Variants in B3GALT1 observed in about 807,000 individuals in gnomAD.
B3GALT1 encodes beta-1,3-galactosyltransferase 1, also known as UDP-Gal:betaGlcNAc beta 1,3-galactosyltransferase, polypeptide 1.
B3GALT1 carries 10 observed loss-of-function variants against 23.2 expected under a neutral mutation model. The observed-to-expected ratio is 0.43, with a 90% CI of 0.27 to 0.73. The LOEUF is 0.73. Among genes scored for constraint, B3GALT1 ranks in the 30% least tolerant of loss-of-function variants. B3GALT1 has a pLI of 0.21. For missense variants in B3GALT1, 299 were observed against 405.4 expected (o/e 0.74, Z 2.25); for synonymous variants, 156 against 141.5 (o/e 1.10, Z -0.73).
chr2:167,421,326 A>G (rs1472024034), intron 1 of B3GALT1, among the ~76,000 whole-genome samples: 7 of 152,196 alleles, frequency 4.6e-5, no homozygotes, highest in Admixed American at 4.6e-4. Flanking sequence ...ATTATCACAA[A>G]AAGTTGTATT....
intron 1 of B3GALT1, among the ~76,000 whole-genome samples, chr2:167,318,392 T>C (rs1272400336): frequency 6.6e-6 from 1 of 152,094 alleles, no homozygotes; most frequent in Non-Finnish European, 1.5e-5. Context: ...AAATGTTTAC[T>C]GAAGTTCCAT....
chr2:167,316,382 A>G (rs951046671), intron 1 of B3GALT1, among the ~76,000 whole-genome samples: 1 of 152,126 alleles, frequency 6.6e-6, no homozygotes, highest in Non-Finnish European at 1.5e-5. Flanking sequence ...TGTAAATATC[A>G]GTCTTGCTAA....
intron 3 of B3GALT1, among the ~76,000 whole-genome samples, chr2:167,667,889 T>C (rs902531032): frequency 6.6e-6 from 1 of 152,220 alleles, no homozygotes; most frequent in African/African-American, 2.4e-5. Flanking sequence ...TGCCTTTGGT[T>C]TGAATTTCCT....
At chr2:167,470,346 T>A (rs1430345227) in intron 1 of B3GALT1, among the ~76,000 whole-genome samples, 5 of 152,146 alleles carry the variant, frequency 3.3e-5, no homozygotes, top group African/African-American at 9.7e-5. Flanking sequence ...TAAGTAGAAA[T>A]AGTAGTTTTT....
intron 3 of B3GALT1, among the ~76,000 whole-genome samples, chr2:167,698,626 T>TA (rs1303468436): frequency 6.6e-6 from 1 of 152,204 alleles, no homozygotes; most frequent in African/African-American, 2.4e-5. Context: ...GAGATAGACT[T>TA]ACTGGCTTTT....
chr2:167,644,672 C>T lies in B3GALT1; in HGVS notation c.-409-2237C>T, dbSNP rs369035319. Among the ~76,000 whole-genome samples the T allele has an allele frequency of 7.1e-4, 106 of 149,254 alleles. 1 individual carries two copies. Among genetic ancestry groups the T allele is most frequent in the African/African-American group, 2.4e-3 (98 of 40,328 alleles). ...GTGGGGGCCTGTAGTCCCAGCTACT[C>T]GGGAGGCTGAGGCAGGAGAATGGCT... On this transcript the variant is annotated intron_variant, in intron 2 of 4. Coordinates refer to ENST00000392690, the MANE Select transcript of B3GALT1 (RefSeq NM_020981.4).
At chr2:167,492,251 T>C (rs534186651) in intron 2 of B3GALT1, among the ~76,000 whole-genome samples, 1 of 152,346 alleles carries the variant, frequency 6.6e-6, no homozygotes, top group South Asian at 2.1e-4. Context: ...CTTTTCAGTT[T>C]GGCTTCTTTT....
chr2:167,741,811 G>C (rs914900814), intron 3 of B3GALT1, among the ~76,000 whole-genome samples: 1 of 152,144 alleles, frequency 6.6e-6, no homozygotes, highest in Non-Finnish European at 1.5e-5. Context: ...CAATAATGGA[G>C]TTGAGCTATC....
intron 2 of B3GALT1, among the ~76,000 whole-genome samples, chr2:167,579,676 T>C (rs1411760463): frequency 6.6e-6 from 1 of 152,070 alleles, no homozygotes; most frequent in Non-Finnish European, 1.5e-5. Context: ...TTTAACTTAA[T>C]TGGAAGCCAT....
intron 2 of B3GALT1, among the ~76,000 whole-genome samples, chr2:167,555,445 T>C (rs1325575410): frequency 6.6e-6 from 1 of 152,186 alleles, no homozygotes; most frequent in Non-Finnish European, 1.5e-5. Flanking sequence ...AAATTCAATC[T>C]TTTATGGGTA....
At chr2:167,302,167 C>T (rs1011102654) in intron 1 of B3GALT1, among the ~76,000 whole-genome samples, 6 of 151,872 alleles carry the variant, frequency 4.0e-5, no homozygotes, top group African/African-American at 1.5e-4. Flanking sequence ...GTGAAAAAAG[C>T]AGAATACAAA....
chr2:167,607,210 A>G (rs1426558657), intron 2 of B3GALT1, among the ~76,000 whole-genome samples: 1 of 152,234 alleles, frequency 6.6e-6, no homozygotes, highest in Non-Finnish European at 1.5e-5. Context: ...TAAAAAGAAG[A>G]GAAAGCCAGG....
intron 2 of B3GALT1, among the ~76,000 whole-genome samples, chr2:167,559,649 G>A (rs1382001286): frequency 6.6e-6 from 1 of 152,206 alleles, no homozygotes; most frequent in Admixed American, 6.5e-5. Flanking sequence ...CGAGAACTAC[G>A]TGAAGAATGC....
chr2:167,489,321 CA>C (rs1375716532), intron 1 of B3GALT1, among the ~76,000 whole-genome samples: 2 of 152,244 alleles, frequency 1.3e-5, no homozygotes, highest in South Asian at 2.1e-4. Flanking sequence ...GGAAAGGCTC[CA>C]AAATCAGGTA....
At chr2:167,339,424 G>C (rs1287141773) in intron 1 of B3GALT1, among the ~76,000 whole-genome samples, 1 of 144,180 alleles carries the variant, frequency 6.9e-6, no homozygotes, top group Non-Finnish European at 1.5e-5. Flanking sequence ...GATGTGGGGG[G>C]ATGTAGGGAA....
intron 3 of B3GALT1, among the ~76,000 whole-genome samples, chr2:167,761,488 G>A (rs1687898936): frequency 6.6e-6 from 1 of 152,122 alleles, no homozygotes; most frequent in African/African-American, 2.4e-5. Flanking sequence ...CCATTCTTAT[G>A]AGGTTGTTTG....
At chr2:167,714,688 T>C in intron 3 of B3GALT1, 1 of 1,613,886 alleles carries the variant, frequency 6.2e-7, no homozygotes, top group Middle Eastern at 1.7e-4. Flanking sequence ...TATTATGTCC[T>C]TTTTTCTCGT....
intron 2 of B3GALT1, among the ~76,000 whole-genome samples, chr2:167,536,780 C>A (rs190216687): frequency 6.6e-6 from 1 of 152,266 alleles, no homozygotes; most frequent in Non-Finnish European, 1.5e-5. Flanking sequence ...CTCTGCTGCT[C>A]AGACATGGAG....
intron 2 of B3GALT1, among the ~76,000 whole-genome samples, chr2:167,619,716 C>CTCACATAGG (rs1358688555): frequency 6.6e-6 from 1 of 152,084 alleles, no homozygotes; most frequent in Non-Finnish European, 1.5e-5. Flanking sequence ...TGGTTTAAGT[C>CTCACATAGG]TCACATAGGT....
Sources: gnomAD v4.1 joint callset for allele counts (sites outside exome capture counted in the v4.1 genomes callset) on GRCh38, gnomAD v4.1.1 for gene constraint, MANE v1.5 for transcripts, NCBI Gene and HGNC (gene_info 2026-07-23, HGNC 2026-07-21) for gene names.